The following CNTN4 variants were observed in gnomAD, a reference collection of about 807,000 sequenced individuals.
The protein encoded by CNTN4 is contactin 4.
In CNTN4, 77 loss-of-function variants were observed where a neutral mutation model predicts 122.5. That is an observed-to-expected ratio of 0.63 (90% CI 0.52 to 0.76). The LOEUF (loss-of-function observed/expected upper bound fraction) is 0.76, where lower values mean the gene tolerates loss of function less well. CNTN4 is among the 30% of genes least tolerant of loss of function. CNTN4 has a pLI of 0.00. For missense variants in CNTN4, 1,256 were observed against 1,259.1 expected (o/e 1.00, Z 0.04); for synonymous variants, 512 against 447.0 (o/e 1.15, Z -1.83).
At position 2,812,381 on chromosome 3, in the gene CNTN4, A is replaced by C. The variant is rs1005485205; in HGVS notation, c.359-7105A>C. Among the ~76,000 whole-genome samples the C allele has an allele frequency of 2.1e-5, 3 of 146,076 alleles. No homozygotes were observed. In the East Asian group the frequency reaches 5.8e-4, roughly 28 times the overall value. The stretch of plus-strand genomic sequence containing the variant: ...AGATTATAGGAAGAATTTCTCATGA[A>C]GAATTATCTGAATCCAGGGTATAGT... On this transcript the variant is annotated intron_variant, in intron 6 of 24. Transcript: ENST00000418658.
chr3:2,781,922 A>G (rs2091603937), intron 6 of CNTN4, among the ~76,000 whole-genome samples: 1 of 143,602 alleles, frequency 7.0e-6, no homozygotes, highest in Non-Finnish European at 1.5e-5. Context: ...ACGGGGCTTC[A>G]CCGTGTTAGC....
At chr3:2,369,309 C>G (rs368575361) in intron 3 of CNTN4, among the ~76,000 whole-genome samples, 1 of 152,166 alleles carries the variant, frequency 6.6e-6, no homozygotes, top group Admixed American at 6.5e-5. Flanking sequence ...AACTCCTGTT[C>G]ACAAAACAGG....
chr3:2,992,936 T>C (rs1040799651), intron 14 of CNTN4, among the ~76,000 whole-genome samples: 1 of 152,136 alleles, frequency 6.6e-6, no homozygotes, highest in African/African-American at 2.4e-5. Flanking sequence ...CCCTAACAAA[T>C]CTAACTCCTA....
At chr3:2,671,101 G>A (rs1007200261) in intron 4 of CNTN4, among the ~76,000 whole-genome samples, 1 of 152,114 alleles carries the variant, frequency 6.6e-6, no homozygotes, top group African/African-American at 2.4e-5. Flanking sequence ...GAGTATCTTT[G>A]TGGCGTTCTC....
chr3:2,381,486 C>T (rs1267801229), intron 3 of CNTN4, among the ~76,000 whole-genome samples: 1 of 152,150 alleles, frequency 6.6e-6, no homozygotes, highest in Non-Finnish European at 1.5e-5. Context: ...GTGTTGGGAA[C>T]ATAACTTAAA....
intron 2 of CNTN4, among the ~76,000 whole-genome samples, chr3:2,209,585 C>T (rs577824959): frequency 6.6e-6 from 1 of 152,028 alleles, no homozygotes; most frequent in Non-Finnish European, 1.5e-5. Context: ...GGGTAGTTTG[C>T]CACTTACTAT....
chr3:2,401,374 A>T (rs550471224), intron 3 of CNTN4, among the ~76,000 whole-genome samples: 4 of 152,110 alleles, frequency 2.6e-5, no homozygotes, highest in South Asian at 2.1e-4. Flanking sequence ...AGTCAGATCG[A>T]TCTACTCGTC....
At chr3:2,646,165 A>C (rs962269036) in intron 4 of CNTN4, among the ~76,000 whole-genome samples, 14 of 152,316 alleles carry the variant, frequency 9.2e-5, no homozygotes, top group African/African-American at 2.9e-4. Context: ...CACATGGCAT[A>C]ACATATAAAA....
intron 15 of CNTN4, among the ~76,000 whole-genome samples, chr3:3,030,041 G>C (rs1020911577): frequency 1.2e-4 from 19 of 152,162 alleles, no homozygotes; most frequent in Admixed American, 7.2e-4. Flanking sequence ...TTCAAATCTG[G>C]CCTCTAGGGT....
At chr3:2,485,284 G>A (rs2076122557) in intron 3 of CNTN4, among the ~76,000 whole-genome samples, 1 of 152,236 alleles carries the variant, frequency 6.6e-6, no homozygotes, top group Non-Finnish European at 1.5e-5. Flanking sequence ...CCCAAGGGCT[G>A]AGGAGGGCGG....
rs188820065 is a variant in CNTN4, at chr3:2,982,348, T to C, written c.1359-5997T>C. On this transcript the variant is annotated intron_variant, in intron 13 of 24. Coordinates refer to ENST00000418658, the MANE Select transcript of CNTN4 (RefSeq NM_175607.3). ...CAGCAATTTCTTGGAAAGATTGCAC[T>C]CTTCCTGTTGTCAGGGCTGAAAACT... 4.7e-3 allele frequency among the ~76,000 whole-genome samples: 713 copies of C among 152,338 alleles called. 27 individuals are homozygous for C. Among genetic ancestry groups the C allele is most frequent in the Admixed American group, 0.044 (672 of 15,306 alleles).
intron 3 of CNTN4, among the ~76,000 whole-genome samples, chr3:2,426,153 A>G (rs990286153): frequency 6.6e-6 from 1 of 152,190 alleles, no homozygotes; most frequent in Non-Finnish European, 1.5e-5. Flanking sequence ...GCCAGTTTGC[A>G]AACGAAATGG....
chr3:2,944,155 G>GT (rs56827432), intron 13 of CNTN4, among the ~76,000 whole-genome samples: 59 of 146,138 alleles, frequency 4.0e-4, no homozygotes, highest in South Asian at 1.1e-3. Context: ...TTTTTGGGGG[G>GT]TTTTTTTTTT....
intron 16 of CNTN4, among the ~76,000 whole-genome samples, chr3:3,034,074 G>A (rs1421622951): frequency 6.6e-6 from 1 of 152,340 alleles, no homozygotes; most frequent in Middle Eastern, 3.4e-3. Flanking sequence ...GGGAAGCAGG[G>A]TTGGATGTGA....
At chr3:2,596,195 C>T (rs1443805210) in intron 4 of CNTN4, among the ~76,000 whole-genome samples, 2 of 151,930 alleles carry the variant, frequency 1.3e-5, no homozygotes, top group Non-Finnish European at 2.9e-5. Flanking sequence ...AAAAATAGAC[C>T]CTAAACCCAC....
chr3:2,811,375 T>C (rs1438880003), intron 6 of CNTN4, among the ~76,000 whole-genome samples: 1 of 147,080 alleles, frequency 6.8e-6, no homozygotes, highest in African/African-American at 2.5e-5. Context: ...ACCACTGCAC[T>C]CCAGCCTGGG....
chr3:2,388,561 A>G (rs1293700065), intron 3 of CNTN4, among the ~76,000 whole-genome samples: 1 of 152,158 alleles, frequency 6.6e-6, no homozygotes, highest in Non-Finnish European at 1.5e-5. Flanking sequence ...TACCTAACCA[A>G]TGGCTGGGCA....
chr3:2,544,430 A>G (rs1207234739), intron 3 of CNTN4, among the ~76,000 whole-genome samples: 1 of 152,144 alleles, frequency 6.6e-6, no homozygotes, highest in African/African-American at 2.4e-5. Flanking sequence ...ATCAGCAAAC[A>G]TTTTAAGCAC....
chr3:2,437,207 G>C (rs1208278173), intron 3 of CNTN4, among the ~76,000 whole-genome samples: 2 of 152,082 alleles, frequency 1.3e-5, no homozygotes, highest in East Asian at 3.9e-4. Flanking sequence ...CAATTCTAGC[G>C]AGTAAAGGGA....
Sources: allele counts gnomAD v4.1 joint callset (sites outside exome capture counted in the v4.1 genomes callset), GRCh38; gene constraint gnomAD v4.1.1; transcripts MANE v1.5; gene names NCBI Gene and HGNC (gene_info 2026-07-23, HGNC 2026-07-21).